Variants in KATNAL2 observed in about 807,000 individuals in gnomAD.
The protein encoded by KATNAL2 is katanin catalytic subunit A1 like 2.
In KATNAL2, 52 loss-of-function variants were observed where a neutral mutation model predicts 76.3. The ratio of observed to expected loss-of-function variants is 0.68; its 90% CI spans 0.55 to 0.86. KATNAL2 has a LOEUF of 0.86. KATNAL2 is among the 40% of genes least tolerant of loss of function. The pLI is 0.00. For synonymous variants in KATNAL2, 243 were observed against 244.2 expected, an observed-to-expected ratio of 1.00 and a Z score of 0.05; for missense variants, 660 against 668.9, an observed-to-expected ratio of 0.99 and a Z score of 0.15.
At chr18:47,093,376 T>C (rs1014717690) in intron 15 of KATNAL2, among the ~76,000 whole-genome samples, 35 of 151,830 alleles carry the variant, frequency 2.3e-4, no homozygotes, top group Non-Finnish European at 4.7e-4. Flanking sequence ...ATTTCTTTGA[T>C]ATCCTCCCTT....
chr18:47,052,410 G>C (rs1391925426), intron 4 of KATNAL2, among the ~76,000 whole-genome samples: 1 of 152,162 alleles, frequency 6.6e-6, no homozygotes, highest in Non-Finnish European at 1.5e-5. Context: ...TTCAGTGCTC[G>C]AGACTTGTTA....
chr18:46,936,471 G>A (rs1223887826), intron 1 of KATNAL2, among the ~76,000 whole-genome samples: 3 of 152,106 alleles, frequency 2.0e-5, no homozygotes, highest in African/African-American at 4.8e-5. Flanking sequence ...TGGGCATGGT[G>A]GTATGCACCT....
chr18:47,099,314 G>T lies in KATNAL2; in HGVS notation c.1283G>T (p.Arg428Met). Residue 428 changes from arginine to methionine, a missense_variant, in exon 16 of 18, where the codon AGG becomes ATG. Arg to Met is a moderately conservative substitution (Grantham distance 91, BLOSUM62 -1). Coordinates refer to ENST00000683218, the MANE Select transcript of KATNAL2 (RefSeq NM_001387690.1). ...GTCGATCTCCCCAGCCGGGAGGCCA[G>T]GCAGGCCATGATCTACCACTGGCTG... is the stretch of plus-strand genomic sequence containing the variant. ...ILVDLPSREA[R>M]QAMIYHWLPP... 1 of 1,614,198 alleles carries T rather than the reference G, an allele frequency of 6.2e-7. No individual in the cohort carries two copies. The highest frequency in any genetic ancestry group is 8.5e-7 in the Non-Finnish European group (1 of 1,180,022).
At chr18:46,924,054 C>A (rs1013337379) in intron 1 of KATNAL2, among the ~76,000 whole-genome samples, 30 of 152,194 alleles carry the variant, frequency 2.0e-4, no homozygotes, top group African/African-American at 6.7e-4. Context: ...TAGTTTCTTT[C>A]ACTGTGCAGA....
chr18:47,087,804 CA>C (rs146217188), intron 15 of KATNAL2, among the ~76,000 whole-genome samples: 2,463 of 151,064 alleles, frequency 0.016, 65 homozygotes, highest in African/African-American at 0.057. Flanking sequence ...CACAGAGCAA[CA>C]AAAATGCGTT....
At chr18:46,941,282 T>C (rs2059239536) in intron 1 of KATNAL2, among the ~76,000 whole-genome samples, 1 of 152,034 alleles carries the variant, frequency 6.6e-6, no homozygotes, top group Non-Finnish European at 1.5e-5. Context: ...GGGGTTGCAC[T>C]GAGCCGAGAT....
At chr18:47,052,817 C>A (rs979433220) in intron 4 of KATNAL2, 63 bp from the exon 5 acceptor site, 2 of 1,257,986 alleles carry the variant, frequency 1.6e-6, no homozygotes, top group Non-Finnish European at 2.2e-6. Flanking sequence ...ACTTGTAATG[C>A]CTGTTAGCCA....
chr18:46,918,223 T>C lies in KATNAL2; in HGVS notation c.-510+297T>C, dbSNP rs377506034. 1.2e-4 allele frequency among the ~76,000 whole-genome samples: 19 copies of C among 152,148 alleles called. No homozygotes were observed. The East Asian group carries it at 2.9e-3, about 23-fold the overall frequency. On this transcript the variant is annotated intron_variant, in intron 1 of 17. Coordinates refer to ENST00000683218, the MANE Select transcript of KATNAL2 (RefSeq NM_001387690.1). ...ATGGCCCCCCCGTAATGTGCTGATA[T>C]AGGATGAAGGAAGATGCTGAGTCAA...
intron 3 of KATNAL2, among the ~76,000 whole-genome samples, chr18:46,962,295 C>G (rs1456463300): frequency 6.3e-5 from 8 of 127,968 alleles, no homozygotes; most frequent in Non-Finnish European, 1.1e-4. Context: ...GGATCATGCC[C>G]GGCCTTTTCC....
intron 8 of KATNAL2, 102 bp from the exon 9 acceptor site, chr18:47,062,870 A>G: frequency 1.2e-6 from 1 of 815,736 alleles, no homozygotes; most frequent in Non-Finnish European, 1.9e-6. Flanking sequence ...TTTGCCCTAT[A>G]TACCAGGGTC....
intron 3 of KATNAL2, among the ~76,000 whole-genome samples, chr18:46,958,552 C>T (rs2059834053): frequency 6.6e-6 from 1 of 152,108 alleles, no homozygotes; most frequent in South Asian, 2.1e-4. Context: ...ATTTGTATCA[C>T]AAGCTTCTAT....
At chr18:47,069,629 A>G (rs780646329) in intron 13 of KATNAL2, 29 bp downstream of exon 13, 18 of 1,496,138 alleles carry the variant, frequency 1.2e-5, no homozygotes, top group Non-Finnish European at 1.6e-5. Flanking sequence ...GTTTTTAAAA[A>G]TAAGTTCTAG....
intron 3 of KATNAL2, among the ~76,000 whole-genome samples, chr18:46,956,179 G>C (rs961733877): frequency 3.3e-5 from 5 of 152,178 alleles, no homozygotes; most frequent in African/African-American, 9.7e-5. Flanking sequence ...ATGAGAGTGG[G>C]TATTAGATGC....
chr18:46,938,514 A>T (rs1311817305), intron 1 of KATNAL2, among the ~76,000 whole-genome samples: 3 of 152,236 alleles, frequency 2.0e-5, no homozygotes, highest in Non-Finnish European at 2.9e-5. Flanking sequence ...TTGTATGCTT[A>T]AGATATTTTA....
chr18:46,927,967 A>T (rs1447325526), intron 1 of KATNAL2, among the ~76,000 whole-genome samples: 16 of 151,970 alleles, frequency 1.1e-4, no homozygotes, highest in Admixed American at 1.0e-3. Flanking sequence ...TGCATTGGTT[A>T]TTCTAGTTAT....
chr18:46,958,745 G>T (rs1164723382), intron 3 of KATNAL2, among the ~76,000 whole-genome samples: 2 of 152,130 alleles, frequency 1.3e-5, no homozygotes, highest in Admixed American at 6.5e-5. Context: ...TAAGGCCAAA[G>T]AATTATGTCA....
rs765346731 is a variant in KATNAL2 at position 47,034,157 on chromosome 18, C to T, written c.52-12300C>T. On this transcript the variant is annotated intron_variant, in intron 3 of 17. Coordinates refer to ENST00000683218, the MANE Select transcript of KATNAL2 (RefSeq NM_001387690.1). ...TGCTCGAATTCCTCAGCCATATCTA[C>T]CTCCTCCACCTCAGAGAGGGAGCTC... is the stretch of plus-strand genomic sequence containing the variant. 1.2e-5 allele frequency: 19 copies of T among 1,614,090 alleles called. No homozygotes were observed. The South Asian group carries it at 1.5e-4, about 13-fold the overall frequency.
In KATNAL2 at chr18:46,923,648, A is replaced by C. The variant is rs573907417; in HGVS notation, c.-510+5722A>C. On this transcript the variant is annotated intron_variant, in intron 1 of 17. Transcript: ENST00000683218. ...AGTTCTAGATCCCTGAGGAATCGCC[A>C]CACTGACTTCCACAATGGTTGAACT... Among the ~76,000 whole-genome samples, 90 of 152,314 alleles carry C rather than the reference A, an allele frequency of 5.9e-4. 1 individual carries two copies. In the South Asian group the frequency reaches 0.018, roughly 31 times the overall value.
intron 13 of KATNAL2, among the ~76,000 whole-genome samples, chr18:47,074,625 T>C (rs1319778692): frequency 2.6e-5 from 4 of 152,216 alleles, no homozygotes; most frequent in African/African-American, 9.7e-5. Flanking sequence ...GTCTGTTCTT[T>C]TGCCGGTTGC....
Sources: allele counts gnomAD v4.1 joint callset (sites outside exome capture counted in the v4.1 genomes callset), GRCh38; gene constraint gnomAD v4.1.1; transcripts MANE v1.5; gene names NCBI Gene and HGNC (gene_info 2026-07-23, HGNC 2026-07-21).